The following LYST variants were observed in gnomAD, a reference collection of about 807,000 sequenced individuals.
The protein encoded by LYST is lysosomal-trafficking regulator.
LYST carries 192 observed loss-of-function variants against 413.6 expected under a neutral mutation model. That is an observed-to-expected ratio of 0.46 (90% confidence interval 0.41 to 0.52). The LOEUF (loss-of-function observed/expected upper bound fraction) is 0.52, where lower values mean the gene tolerates loss of function less well. Ranked by LOEUF, LYST falls within the 20% of genes least tolerant of loss-of-function variation. The pLI is 0.00. For synonymous variants in LYST, 1,525 were observed against 1,567.3 expected, an observed-to-expected ratio of 0.97 and a Z score of 0.64; for missense variants, 3,815 against 4,499.9, an observed-to-expected ratio of 0.85 and a Z score of 4.35.
intron 44 of LYST, among the ~76,000 whole-genome samples, chr1:235,706,232 T>C (rs1260784945): frequency 1.3e-5 from 2 of 152,234 alleles, no homozygotes; most frequent in Non-Finnish European, 2.9e-5. Context: ...TGAAGGAATC[T>C]GAGGAACAGC....
chr1:235,755,308 G>A (rs555206501), intron 25 of LYST, among the ~76,000 whole-genome samples, 170 bp downstream of exon 25: 12 of 151,970 alleles, frequency 7.9e-5, no homozygotes, highest in African/African-American at 2.9e-4. Flanking sequence ...AGAATCGCTT[G>A]AACCTGGGAG....
At chr1:235,691,898 A>G (rs1236128789) in intron 47 of LYST, among the ~76,000 whole-genome samples, 1 of 150,734 alleles carries the variant, frequency 6.6e-6, no homozygotes, top group African/African-American at 2.4e-5. Context: ...GGGTTTCACC[A>G]TGTTGGCCAG....
At chr1:235,688,560 T>C (rs1660386544) in intron 47 of LYST, among the ~76,000 whole-genome samples, 1 of 152,178 alleles carries the variant, frequency 6.6e-6, no homozygotes, top group Non-Finnish European at 1.5e-5. Context: ...CCAAGAAAGC[T>C]GACAGAGGAA....
intron 3 of LYST, among the ~76,000 whole-genome samples, chr1:235,823,611 A>G (rs1380317298): frequency 6.6e-6 from 1 of 152,236 alleles, no homozygotes; most frequent in African/African-American, 2.4e-5. Flanking sequence ...CCCATTAGCC[A>G]ATCCCCGTTT....
In LYST at chr1:235,857,721, A is replaced by T. The variant is rs531962781; in HGVS notation, c.-98+9122T>A. Among the ~76,000 whole-genome samples, 21 of 147,492 alleles carry T rather than the reference A, an allele frequency of 1.4e-4. No individual in the cohort carries two copies. In the South Asian group the frequency reaches 4.4e-3, roughly 31 times the overall value. On this transcript the variant is annotated intron_variant, in intron 1 of 52. Coordinates refer to ENST00000389793, the MANE Select transcript of LYST (RefSeq NM_000081.4). ...TATATATATACACACACACACGTAT[A>T]TATACACAAACATATGTAAATACAC...
At chr1:235,701,439 C>T (rs1661542659) in intron 45 of LYST, among the ~76,000 whole-genome samples, 1 of 151,816 alleles carries the variant, frequency 6.6e-6, no homozygotes, top group South Asian at 2.1e-4. Context: ...ACCAGCCCGG[C>T]CAATATGGTG....
chr1:235,737,921 G>GAAGTGTA, intron 31 of LYST: 1 of 1,176,874 alleles, frequency 8.5e-7, no homozygotes, highest in Non-Finnish European at 1.1e-6. Flanking sequence ...CGACGAGTCT[G>GAAGTGTA]GATCTCACTG....
At chr1:235,677,065 T>C in intron 50 of LYST, 26 bp downstream of exon 50, 1 of 1,557,232 alleles carries the variant, frequency 6.4e-7, no homozygotes, top group Non-Finnish European at 8.9e-7. Context: ...CAGCCAGCCC[T>C]GTGCTTTGGG....
At chr1:235,875,547 CA>C (rs1171449247) in intron 1 of LYST, among the ~76,000 whole-genome samples, 1 of 152,178 alleles carries the variant, frequency 6.6e-6, no homozygotes, top group African/African-American at 2.4e-5. Flanking sequence ...TACCCTAAGC[CA>C]GGGGGCAGCT....
chr1:235,841,852 G>T (rs1198281998), intron 1 of LYST, among the ~76,000 whole-genome samples: 1 of 152,160 alleles, frequency 6.6e-6, no homozygotes, highest in African/African-American at 2.4e-5. Context: ...AGGCAAAGTT[G>T]TCTGCTTAAA....
intron 3 of LYST, among the ~76,000 whole-genome samples, chr1:235,817,272 G>C (rs1394134030): frequency 6.6e-6 from 1 of 152,124 alleles, no homozygotes; most frequent in Non-Finnish European, 1.5e-5. Flanking sequence ...TACAACGCTG[G>C]TGGGAACGTA....
Position 235,664,119 on chromosome 1 carries a change from T to A in LYST, c.11196-64A>T. On this transcript the variant is annotated intron_variant, in intron 51 of 52. Transcript: ENST00000389793. The surrounding 1 kb of genome is among the most constrained non-coding windows in gnomAD (Gnocchi z 4.5). ...ATTACTCTCCCTAAAAAGCCCTCTATATTTGTTTATTTGTTAAAAATCATG... is the reference window on the plus strand; with the variant it reads ...ATTACTCTCCCTAAAAAGCCCTCTAAATTTGTTTATTTGTTAAAAATCATG... 8.6e-7 allele frequency: 1 copy of A among 1,165,552 alleles called. No homozygotes were observed. The highest frequency in any genetic ancestry group is 1.3e-6 in the Non-Finnish European group (1 of 773,518). The allele number at this position is 1,165,552 out of a possible 1,614,324, so 72.2% of individuals were successfully genotyped here.
chr1:235,778,121 A>ATATATATT (rs1039912155), intron 16 of LYST, among the ~76,000 whole-genome samples: 2 of 145,260 alleles, frequency 1.4e-5, no homozygotes, highest in Admixed American at 1.4e-4. Context: ...ATATATATAT[A>ATATATATT]TTTTTGTAGA....
At chr1:235,707,865 G>A (rs1164835185) in intron 44 of LYST, among the ~76,000 whole-genome samples, 2 of 151,922 alleles carry the variant, frequency 1.3e-5, no homozygotes, top group East Asian at 3.9e-4. Context: ...TGGATTTCAG[G>A]GTTTTTTTGG....
intron 24 of LYST, among the ~76,000 whole-genome samples, chr1:235,756,810 A>G (rs1213464399): frequency 6.6e-6 from 1 of 152,198 alleles, no homozygotes; most frequent in Non-Finnish European, 1.5e-5. Context: ...AAGTAAGATT[A>G]GAGGGAAGTT....
At chr1:235,852,083 T>G (rs996135714) in intron 1 of LYST, among the ~76,000 whole-genome samples, 12 of 152,160 alleles carry the variant, frequency 7.9e-5, no homozygotes, top group Non-Finnish European at 1.8e-4. Context: ...AAGAGTGCAT[T>G]AAGGAGCATC....
At chr1:235,705,706 A>G (rs12075375) in intron 44 of LYST, among the ~76,000 whole-genome samples, 2 of 151,750 alleles carry the variant, frequency 1.3e-5, no homozygotes, top group Non-Finnish European at 2.9e-5. Flanking sequence ...TTTAATGTAA[A>G]TTTTATATAA....
chr1:235,732,356 G>A (rs1664457172), intron 34 of LYST, among the ~76,000 whole-genome samples: 1 of 151,962 alleles, frequency 6.6e-6, no homozygotes, highest in Non-Finnish European at 1.5e-5. Context: ...AGGCCAGAGT[G>A]CAGTGGCATG....
In LYST at chr1:235,733,734, A is replaced by G. The variant is rs759166964; in HGVS notation, c.8613-43T>C. On this transcript the variant is annotated intron_variant, in intron 33 of 52. Coordinates refer to ENST00000389793, the MANE Select transcript of LYST (RefSeq NM_000081.4). ...TTGTCCATAGTTAAGCATACATGGA[A>G]CGTATTTATCAGAACATGATACTTT... The G allele has an allele frequency of 1.2e-5, 18 of 1,534,908 alleles. No homozygotes were observed. In the South Asian group the frequency reaches 2.0e-4, roughly 17 times the overall value.
Sources: gnomAD v4.1 joint callset for allele counts (sites outside exome capture counted in the v4.1 genomes callset) on GRCh38, gnomAD v4.1.1 for gene constraint, Gnocchi (gnomAD v3.1) non-coding constraint, MANE v1.5 for transcripts, NCBI Gene and HGNC (gene_info 2026-07-23, HGNC 2026-07-21) for gene names.